Variants in ZNF609 observed in about 807,000 individuals in gnomAD.
ZNF609 encodes the protein zinc finger protein 609.
A neutral mutation model predicts 109.5 loss-of-function variants in ZNF609; 11 were observed. That is an observed-to-expected ratio of 0.10 (90% CI 0.06 to 0.17). ZNF609 has a LOEUF of 0.17. Ranked by LOEUF, ZNF609 falls within the 10% of genes least tolerant of loss-of-function variation. ZNF609 has a pLI of 1.00. For synonymous variants in ZNF609, 646 were observed against 662.0 expected, an observed-to-expected ratio of 0.98 and a Z score of 0.37; for missense variants, 1,559 against 1,772.4, an observed-to-expected ratio of 0.88 and a Z score of 2.16.
intron 1 of ZNF609, among the ~76,000 whole-genome samples, chr15:64,462,165 G>T (rs1892951324): frequency 6.6e-6 from 1 of 152,158 alleles, no homozygotes; most frequent in African/African-American, 2.4e-5. Context: ...ATTGGAGGAG[G>T]CCAGAGAGAA....
intron 1 of ZNF609, among the ~76,000 whole-genome samples, chr15:64,478,155 GGTGTGTGTGTGT>G (rs149241970): frequency 2.5e-4 from 34 of 138,196 alleles, no homozygotes; most frequent in African/African-American, 3.7e-4. Flanking sequence ...TTAGAATAAA[GGTGTGTGTGTGT>G]GTGTGTGTGT....
chr15:64,539,397 C>A (rs183200897), intron 2 of ZNF609, among the ~76,000 whole-genome samples: 1,962 of 151,816 alleles, frequency 0.013, 32 homozygotes, highest in African/African-American at 0.046. Flanking sequence ...TTAGTAGAGA[C>A]GGGGTTTCAC....
chr15:64,474,424 G>C (rs1167341064), intron 1 of ZNF609, among the ~76,000 whole-genome samples: 30 of 151,724 alleles, frequency 2.0e-4, no homozygotes, highest in Admixed American at 1.3e-3. Flanking sequence ...TGTTGTTCAT[G>C]CTGGTCTCGA....
chr15:64,648,984 C>G (rs1943790775), intron 3 of ZNF609, among the ~76,000 whole-genome samples: 1 of 151,998 alleles, frequency 6.6e-6, no homozygotes, highest in Admixed American at 6.6e-5. Flanking sequence ...TGGATACTTA[C>G]TGCAAAGTAT....
At chr15:64,530,115 A>G (rs1313289231) in intron 2 of ZNF609, among the ~76,000 whole-genome samples, 1 of 151,616 alleles carries the variant, frequency 6.6e-6, no homozygotes, top group Non-Finnish European at 1.5e-5. Flanking sequence ...CCCAGGGTCA[A>G]GTGATTCTCC....
chr15:64,546,361 C>A (rs1351615348), intron 2 of ZNF609, among the ~76,000 whole-genome samples: 1 of 151,776 alleles, frequency 6.6e-6, no homozygotes, highest in Non-Finnish European at 1.5e-5. Context: ...CCTCCCACTT[C>A]AGCCTCCCAA....
chr15:64,552,769 C>T (rs984145384), intron 2 of ZNF609, among the ~76,000 whole-genome samples: 2 of 152,114 alleles, frequency 1.3e-5, no homozygotes, highest in African/African-American at 4.8e-5. Flanking sequence ...TGGCCTCAGG[C>T]TCCCAAGTAG....
intron 2 of ZNF609, among the ~76,000 whole-genome samples, chr15:64,573,613 T>A (rs189710977): frequency 5.1e-4 from 78 of 151,978 alleles, no homozygotes; most frequent in Non-Finnish European, 1.0e-3. Flanking sequence ...TCCGCCCACC[T>A]CGGCCTCCCA....
At chr15:64,499,194 A>G in intron 1 of ZNF609, 99 bp from the exon 2 acceptor site, 1 of 524,050 alleles carries the variant, frequency 1.9e-6, no homozygotes, top group East Asian at 3.2e-5. Context: ...GTGATATGAT[A>G]GCCCCATAGG....
At chr15:64,672,918 C>T (rs1234036969) in intron 4 of ZNF609, among the ~76,000 whole-genome samples, 3 of 148,522 alleles carry the variant, frequency 2.0e-5, no homozygotes, top group Non-Finnish European at 3.0e-5. Context: ...GAGCCGAGAT[C>T]GTGCCACTGC....
At chr15:64,460,270 C>T (rs1892917025), upstream of ZNF609, among the ~76,000 whole-genome samples, 2 of 152,150 alleles carry the variant, frequency 1.3e-5, no homozygotes, top group Admixed American at 6.5e-5. Context: ...AGAGACCTCT[C>T]TATGAGGAAG....
intron 1 of ZNF609, among the ~76,000 whole-genome samples, chr15:64,488,470 T>C (rs1041758679): frequency 6.6e-6 from 1 of 152,154 alleles, no homozygotes; most frequent in East Asian, 1.9e-4. Flanking sequence ...TGCAGTGTAG[T>C]GCAGGAAACA....
intron 3 of ZNF609, among the ~76,000 whole-genome samples, chr15:64,633,255 C>G (rs544674503): frequency 6.6e-6 from 1 of 152,150 alleles, no homozygotes; most frequent in Admixed American, 6.5e-5. Context: ...TCAAGTAATC[C>G]TCCCACCTCA....
intron 2 of ZNF609, among the ~76,000 whole-genome samples, chr15:64,599,120 G>A (rs1489881680): frequency 7.6e-6 from 1 of 132,396 alleles, no homozygotes; most frequent in Non-Finnish European, 1.5e-5. Context: ...TCTCTTTCCT[G>A]TAGTGCTGGC....
At chr15:64,605,127 G>T (rs886995146) in intron 2 of ZNF609, among the ~76,000 whole-genome samples, 1 of 152,074 alleles carries the variant, frequency 6.6e-6, no homozygotes, top group Admixed American at 6.6e-5. Context: ...CACCGTGCCC[G>T]GCCTAATTTG....
In ZNF609 at chr15:64,676,178, C is replaced by T. The variant is rs776732236; in HGVS notation, c.3324C>T (p.Ser1108=). The T allele has an allele frequency of 1.9e-6, 3 of 1,614,180 alleles. No homozygotes were observed. In the South Asian group the frequency reaches 3.3e-5, roughly 18 times the overall value. ...AGCTGAGTGATGCCAGCCACCTAAGCAAGGAGGCCTCTGAGGCCAAGACAG... is the reference window on the plus strand; with the variant it reads ...AGCTGAGTGATGCCAGCCACCTAAGTAAGGAGGCCTCTGAGGCCAAGACAG... The part of the protein sequence containing the change: ...KVKLSDASHL[S]KEASEAKTGA... Residue 1108 remains serine (S), a synonymous_variant, in exon 5 of 10, where the codon AGC becomes AGT. Transcript: ENST00000326648.
rs938556314 is a variant in ZNF609 at position 64,504,541 on chromosome 15, G to C, written c.747+4375G>C. ...GGCTGGAGTGCAGTGGCACGATCTC[G>C]GCTCATTGCAGCCTCTGCCTCTGAT... On this transcript the variant is annotated intron_variant, in intron 2 of 9. Transcript: ENST00000326648. 2.0e-5 allele frequency among the ~76,000 whole-genome samples: 3 copies of C among 152,024 alleles called. No individual in the cohort carries two copies. The South Asian group carries it at 6.2e-4, about 32-fold the overall frequency.
intron 1 of ZNF609, among the ~76,000 whole-genome samples, chr15:64,464,381 AG>A (rs1206849608): frequency 6.6e-6 from 1 of 152,294 alleles, no homozygotes; most frequent in African/African-American, 2.4e-5. Flanking sequence ...CTTCTTTTCC[AG>A]GTACCTTAGT....
intron 2 of ZNF609, among the ~76,000 whole-genome samples, chr15:64,584,156 G>A (rs946497238): frequency 1.8e-4 from 27 of 152,076 alleles, no homozygotes; most frequent in African/African-American, 6.0e-4. Context: ...AGTTGTACAG[G>A]TTGTGCCTTT....
Sources: allele counts gnomAD v4.1 joint callset (sites outside exome capture counted in the v4.1 genomes callset), GRCh38; gene constraint gnomAD v4.1.1; transcripts MANE v1.5; gene names NCBI Gene and HGNC (gene_info 2026-07-23, HGNC 2026-07-21).